The following DPM1 variants were observed in gnomAD, a reference collection of about 807,000 sequenced individuals.
DPM1 encodes dolichol-phosphate mannosyltransferase subunit 1.
DPM1 carries 27 observed loss-of-function variants against 39.0 expected under a neutral mutation model. The ratio of observed to expected loss-of-function variants is 0.69; its 90% CI spans 0.51 to 0.95. The LOEUF (loss-of-function observed/expected upper bound fraction) is 0.95. DPM1 is among the 40% of genes least tolerant of loss of function. The pLI is 0.00. For missense variants in DPM1, 307 were observed against 315.6 expected, an observed-to-expected ratio of 0.97 and a Z score of 0.21; for synonymous variants, 124 against 109.0, an observed-to-expected ratio of 1.14 and a Z score of -0.86.
At position 50,953,069 on chromosome 20, in the gene DPM1, A is replaced by T. The variant is rs189647719; in HGVS notation, c.261+2117T>A. 1.3e-3 allele frequency among the ~76,000 whole-genome samples: 191 copies of T among 152,372 alleles called. 1 individual carries two copies. The highest frequency in any genetic ancestry group is 4.4e-3 in the African/African-American group (185 of 41,582). The stretch of plus-strand genomic sequence containing the variant: ...GTCAATTATACCTCAATAAAGCTGG[A>T]AGAAAATATGACAAAATATAAATGA... On this transcript the variant is annotated intron_variant, in intron 2 of 8. Transcript: ENST00000371588.
At chr20:50,948,407 T>C (rs1986403423) in intron 3 of DPM1, among the ~76,000 whole-genome samples, 1 of 152,068 alleles carries the variant, frequency 6.6e-6, no homozygotes, top group South Asian at 2.1e-4. Context: ...GACTCAGTAT[T>C]AAATTCCCTA....
intron 2 of DPM1, among the ~76,000 whole-genome samples, chr20:50,952,291 C>G (rs1375904681): frequency 6.6e-6 from 1 of 152,176 alleles, no homozygotes; most frequent in Non-Finnish European, 1.5e-5. Flanking sequence ...CTTTGTAAAA[C>G]TTATCACAGA....
At chr20:50,937,227 T>TC (rs1231139836) in intron 7 of DPM1, among the ~76,000 whole-genome samples, 2 of 152,086 alleles carry the variant, frequency 1.3e-5, no homozygotes, top group Non-Finnish European at 2.9e-5. Flanking sequence ...CACATTTTTT[T>TC]TCCCTCAGAC....
chr20:50,941,963 C>G, intron 6 of DPM1, 68 bp downstream of exon 6: 2 of 1,344,224 alleles, frequency 1.5e-6, no homozygotes, highest in Non-Finnish European at 2.1e-6. Context: ...GATAGCTAAT[C>G]CAAATACTTG....
At chr20:50,941,904 G>A in intron 6 of DPM1, 127 bp downstream of exon 6, 2 of 796,920 alleles carry the variant, frequency 2.5e-6, no homozygotes, top group Non-Finnish European at 4.3e-6. Context: ...AACTATCTGG[G>A]AGTATTTACT....
chr20:50,955,922 T>A (rs1394901472), intron 1 of DPM1, among the ~76,000 whole-genome samples: 1 of 152,178 alleles, frequency 6.6e-6, no homozygotes, highest in East Asian at 1.9e-4. Flanking sequence ...CAAATCTTAG[T>A]TACATAAAAT....
chr20:50,935,332 T>C, intron 8 of DPM1, 96 bp from the exon 9 acceptor site: 1 of 789,526 alleles, frequency 1.3e-6, no homozygotes. Flanking sequence ...ATAGGATTAG[T>C]CCTACAACAG....
In DPM1 at chr20:50,948,598, G is replaced by C. The variant is rs757819188; in HGVS notation, c.295+31C>G. 1.9e-6 allele frequency: 3 copies of C among 1,609,346 alleles called. No individual in the cohort carries two copies. The African/African-American group carries it at 4.0e-5, about 22-fold the overall frequency. The stretch of plus-strand genomic sequence containing the variant: ...GGATCATGTCACCAAGCAAGCAGCA[G>C]GTGTGAGGGGTTAGAGATTACACGA... On this transcript the variant is annotated intron_variant, in intron 3 of 8. Transcript: ENST00000371588.
chr20:50,934,907 C>A lies in DPM1; in HGVS notation c.*225G>T. 1 of 432,972 alleles carries A rather than the reference C, an allele frequency of 2.3e-6. No individual in the cohort carries two copies. Among genetic ancestry groups the A allele is most frequent in the South Asian group, 3.0e-5 (1 of 33,418 alleles). 26.8% of individuals were successfully genotyped at this position (432,972 alleles called of 1,614,324 possible). A position where few individuals can be genotyped will look rare whatever the true frequency, so the allele number is the denominator to read the frequency against. On this transcript the variant is annotated 3_prime_UTR_variant, in exon 9 of 9. Transcript: ENST00000371588. The stretch of plus-strand genomic sequence containing the variant: ...AAAATATACATTTATTTATAGGTCT[C>A]AATACAGCAAAATGAAAACGAAAAT...
At chr20:50,951,303 G>C (rs879577544) in intron 2 of DPM1, among the ~76,000 whole-genome samples, 1 of 152,206 alleles carries the variant, frequency 6.6e-6, no homozygotes, top group Non-Finnish European at 1.5e-5. Context: ...AATGAGGTGA[G>C]CTGGTGACAA....
chr20:50,946,268 C>CA (rs1175807443), intron 3 of DPM1, among the ~76,000 whole-genome samples: 1 of 152,206 alleles, frequency 6.6e-6, no homozygotes, highest in Non-Finnish European at 1.5e-5. Context: ...GTTTCCTTGG[C>CA]ATCCCCCTAA....
At chr20:50,957,940 A>G (rs1986918319) in intron 1 of DPM1, among the ~76,000 whole-genome samples, 2 of 152,202 alleles carry the variant, frequency 1.3e-5, no homozygotes, top group Non-Finnish European at 2.9e-5. Flanking sequence ...ACCCACACAC[A>G]CCAAACCTCA....
At position 50,945,893 on chromosome 20, in the gene DPM1, G is replaced by C. The variant is rs1986256273; in HGVS notation, c.326C>G (p.Ala109Gly). ...CATAATAATGATGTAGTTTCCTGTG[G>C]CATGTTTCATTCCATGAATATATGC... The part of the protein sequence containing the change: ...GTAYIHGMKH[A>G]TGNYIIIMDA... The change falls in exon 4 of 9, where the codon GCC becomes GGC. Residue 109 changes from alanine (A) to glycine (G), a missense_variant. Physicochemically the swap from Ala to Gly is moderately conservative, Grantham distance 60. Transcript: ENST00000371588. 6.2e-7 allele frequency: 1 copy of C among 1,613,580 alleles called. No individual in the cohort carries two copies. The highest frequency in any genetic ancestry group is 8.5e-7 in the Non-Finnish European group (1 of 1,179,746).
intron 5 of DPM1, chr20:50,945,284 T>TTTTGTGTG (rs376140440): frequency 1.9e-5 from 3 of 157,096 alleles, no homozygotes; most frequent in East Asian, 3.6e-4. Flanking sequence ...CAAATGTGTG[T>TTTTGTGTG]TGTGTGTGTG....
intron 1 of DPM1, 107 bp from the exon 2 acceptor site, chr20:50,955,392 T>C (rs1231109041): frequency 2.5e-6 from 2 of 787,854 alleles, no homozygotes; most frequent in Non-Finnish European, 4.2e-6. Flanking sequence ...TGTATTGCTA[T>C]ATTAATCGTT....
At chr20:50,938,699 G>A (rs1187362967) in intron 7 of DPM1, among the ~76,000 whole-genome samples, 1 of 149,506 alleles carries the variant, frequency 6.7e-6, no homozygotes, top group East Asian at 2.1e-4. Context: ...AATTTTTTGG[G>A]CTGGGTGCAG....
Position 50,941,261 on chromosome 20 carries a change from T to TATAA in DPM1, c.495-332_495-329dup, listed in dbSNP as rs1161549251. 3.8e-4 allele frequency: 61 copies of TATAA among 159,274 alleles called. 2 individuals are homozygous for TATAA. Among genetic ancestry groups the TATAA allele is most frequent in the African/African-American group, 4.9e-4 (14 of 28,324 alleles). The allele number at this position is 159,274 out of a possible 1,614,324, so 9.9% of individuals were successfully genotyped here. A position where few individuals can be genotyped will look rare whatever the true frequency, so the allele number is the denominator to read the frequency against. ...ATATATATATATATATATATATATA[T>TATAA]ATAAATAAAATACATTCATATAATA... On this transcript the variant is annotated intron_variant, in intron 6 of 8. Coordinates refer to ENST00000371588, the MANE Select transcript of DPM1 (RefSeq NM_003859.3).
intron 7 of DPM1, 60 bp from the exon 8 acceptor site, chr20:50,936,322 G>T: frequency 8.6e-7 from 1 of 1,166,192 alleles, no homozygotes; most frequent in Non-Finnish European, 1.3e-6. Flanking sequence ...TATGTATCCT[G>T]ACCTTTCAAA....
chr20:50,942,460 G>A (rs1027316090), intron 5 of DPM1, among the ~76,000 whole-genome samples: 2 of 150,510 alleles, frequency 1.3e-5, no homozygotes, highest in Non-Finnish European at 2.9e-5. Flanking sequence ...CTGAGATCAC[G>A]CCACTGCACT....
Sources: allele counts gnomAD v4.1 joint callset (sites outside exome capture counted in the v4.1 genomes callset), GRCh38; gene constraint gnomAD v4.1.1; transcripts MANE v1.5; gene names NCBI Gene and HGNC (gene_info 2026-07-23, HGNC 2026-07-21).